Variants in DGKZ observed in about 807,000 individuals in gnomAD.
DGKZ encodes DAG kinase zeta.
A neutral mutation model predicts 142.5 loss-of-function variants in DGKZ; 45 were observed. That is an observed-to-expected ratio of 0.32 (90% CI 0.25 to 0.40). The LOEUF is 0.40. DGKZ is among the 10% of genes least tolerant of loss of function. The probability of loss-of-function intolerance (pLI) is 1.00; values close to 1 mark genes in which losing one functional copy is unlikely to be tolerated. For missense variants in DGKZ, 755 were observed against 1,306.5 expected, an observed-to-expected ratio of 0.58 and a Z score of 6.51; for synonymous variants, 442 against 527.0, an observed-to-expected ratio of 0.84 and a Z score of 2.21.
chr11:46,337,453 G>A (rs575193416), intron 1 of DGKZ, among the ~76,000 whole-genome samples: 7 of 151,744 alleles, frequency 4.6e-5, no homozygotes, highest in African/African-American at 7.3e-5. Flanking sequence ...CCACCACCAC[G>A]CCGGGCTAAT....
chr11:46,338,897 C>T (rs1324056914), intron 1 of DGKZ: 1 of 152,206 alleles, frequency 6.6e-6, no homozygotes, highest in Non-Finnish European at 1.5e-5. Context: ...ACGGGTAAAA[C>T]AAGTTAGAGC....
At chr11:46,369,334 C>T in intron 4 of DGKZ, 160 bp from the exon 5 acceptor site, 1 of 771,130 alleles carries the variant, frequency 1.3e-6, no homozygotes, top group Non-Finnish European at 2.2e-6. Context: ...GGCAGGAGGG[C>T]TTCTCACAGG....
upstream of DGKZ, chr11:46,345,665 G>A (rs1940543204): frequency 7.5e-7 from 1 of 1,342,004 alleles, no homozygotes. The surrounding 1 kb of genome is among the most constrained non-coding windows in gnomAD (Gnocchi z 4.1). Context: ...GGGGGTGACA[G>A]AAGTAGGGTC....
At chr11:46,364,518 A>C in intron 1 of DGKZ, 2 of 1,208,030 alleles carry the variant, frequency 1.7e-6, no homozygotes, top group East Asian at 5.8e-5. Context: ...CACTGCCCTG[A>C]CCTCCCTGTC....
chr11:46,372,362 T>A lies in DGKZ; in HGVS notation c.928-66T>A. 1 of 1,554,058 alleles carries A rather than the reference T, an allele frequency of 6.4e-7. No individual in the cohort carries two copies. Among genetic ancestry groups the A allele is most frequent in the Non-Finnish European group, 8.9e-7 (1 of 1,127,022 alleles). ...CCTGGTTCCCACAGTCACACCCCTC[T>A]CCCTCTGCTGCTCCCACTTCGTCCC... is the stretch of plus-strand genomic sequence containing the variant. On this transcript the variant is annotated intron_variant, in intron 10 of 30. Coordinates refer to ENST00000527911, the Ensembl canonical transcript of DGKZ. This position sits in a 1 kb window ranked among gnomAD's most constrained non-coding sequence, Gnocchi z 5.9.
chr11:46,336,393 T>C (rs970487146), intron 1 of DGKZ, among the ~76,000 whole-genome samples: 3 of 151,994 alleles, frequency 2.0e-5, no homozygotes, highest in Admixed American at 2.0e-4. Flanking sequence ...GGTATGTCCT[T>C]GTTTGGTTTA....
At chr11:46,366,208 C>G (rs940380092) in intron 1 of DGKZ, 1 of 1,518,062 alleles carries the variant, frequency 6.6e-7, no homozygotes, top group Non-Finnish European at 8.7e-7. Flanking sequence ...GTGGCCTGAT[C>G]CAGCTCCTGA....
chr11:46,376,922 A>G, intron 24 of DGKZ, 151 bp from the exon 25 acceptor site: 1 of 696,106 alleles, frequency 1.4e-6, no homozygotes, highest in South Asian at 1.8e-5. Flanking sequence ...AATGGGAAGG[A>G]GTGGGAGAGG....
rs1944480367 is a variant in DGKZ, at chr11:46,375,966, G to A, written c.2011+15G>A. 1 of 1,611,040 alleles carries A rather than the reference G, an allele frequency of 6.2e-7. No individual in the cohort carries two copies. The highest frequency in any genetic ancestry group is 1.1e-5 in the South Asian group (1 of 90,920). ...CAAGGAGGCCTGTGAGTGCGGTGGG[G>A]CGGCCTGGCAGGGTGGCCAGGAGGG... On this transcript the variant is annotated intron_variant, in intron 21 of 30. Transcript: ENST00000527911.
In DGKZ at chr11:46,366,474, G is replaced by A. The variant is rs11827702; in HGVS notation, c.162-817G>A. 8,381 of 1,567,568 alleles carry A rather than the reference G, an allele frequency of 5.3e-3. 380 individuals carry two copies. In the African/African-American group the frequency reaches 0.097, roughly 18 times the overall value. On this transcript the variant is annotated intron_variant, in intron 1 of 30. Transcript: ENST00000527911. Reference sequence around the variant, plus strand: ...GTGAGGGCCCAGGGTTCCAGCCGCCGGCGCTCCAGCACTGTGCCCCCTTCC... The same window carrying A: ...GTGAGGGCCCAGGGTTCCAGCCGCCAGCGCTCCAGCACTGTGCCCCCTTCC...
rs766923753 is a variant in DGKZ, at chr11:46,367,267, C to T, written c.162-24C>T. On this transcript the variant is annotated intron_variant, in intron 1 of 30. Transcript: ENST00000527911. The surrounding 1 kb of genome is among the most constrained non-coding windows in gnomAD (Gnocchi z 4.1). ...AGGGTCAGCAAGTGCTCAGCCCCCT[C>T]CTCAGCTGTCTTCTCCTCTCTAGGA... is the stretch of plus-strand genomic sequence containing the variant. 6.6e-5 allele frequency: 105 copies of T among 1,599,868 alleles called. No individual in the cohort carries two copies. Among genetic ancestry groups the T allele is most frequent in the Non-Finnish European group, 8.8e-5 (103 of 1,170,052 alleles).
In DGKZ at chr11:46,372,327, C is replaced by T. The variant is rs923691923; in HGVS notation, c.928-101C>T. The stretch of plus-strand genomic sequence containing the variant: ...TCCTGTCCTTTCTCCACCCCTCACC[C>T]CTTATTGGCCCTGGTTCCCACAGTC... On this transcript the variant is annotated intron_variant, in intron 10 of 30. Coordinates refer to ENST00000527911, the Ensembl canonical transcript of DGKZ. This position sits in a 1 kb window ranked among gnomAD's most constrained non-coding sequence, Gnocchi z 5.9. 5 of 1,396,034 alleles carry T rather than the reference C, an allele frequency of 3.6e-6. No homozygotes were observed. Among genetic ancestry groups the T allele is most frequent in the Admixed American group, 1.8e-5 (1 of 55,836 alleles). The allele number at this position is 1,396,034 out of a possible 1,614,324, so 86.5% of individuals were successfully genotyped here. A position where few individuals can be genotyped will look rare whatever the true frequency, so the allele number is the denominator to read the frequency against.
intron 5 of DGKZ, 23 bp downstream of exon 5, chr11:46,369,573 G>C (rs374240578): frequency 6.2e-7 from 1 of 1,611,960 alleles, no homozygotes; most frequent in Non-Finnish European, 8.5e-7. Flanking sequence ...GGTGGTCAGG[G>C]ATGGGGCCAC....
intron 1 of DGKZ, among the ~76,000 whole-genome samples, chr11:46,353,404 GGT>G (rs1941645153): frequency 6.6e-6 from 1 of 152,176 alleles, no homozygotes; most frequent in African/African-American, 2.4e-5. Context: ...CGGTGCCAAC[GGT>G]GTGAGACCCA....
intron 20 of DGKZ, 49 bp from the exon 21 acceptor site, chr11:46,375,802 C>T (rs1357234070): frequency 6.5e-7 from 1 of 1,543,202 alleles, no homozygotes; most frequent in African/African-American, 1.4e-5. Context: ...GAGGGTGGCA[C>T]CAAGGCAGGG....
In DGKZ at chr11:46,334,020, G is replaced by A. The variant is rs140027747; in HGVS notation, c.212+533G>A. ...AGGCCCTGGCTGGCAACCTCCAGGG[G>A]CAGAGGGAACCTCCCCACCCCCACC... On this transcript the variant is annotated intron_variant, in intron 1 of 30. Transcript: ENST00000343674. Among the ~76,000 whole-genome samples, 25 of 152,238 alleles carry A rather than the reference G, an allele frequency of 1.6e-4. 1 individual carries two copies. The East Asian group carries it at 4.6e-3, about 28-fold the overall frequency.
At chr11:46,357,785 T>C (rs1942203910) in intron 1 of DGKZ, among the ~76,000 whole-genome samples, 1 of 151,870 alleles carries the variant, frequency 6.6e-6, no homozygotes, top group African/African-American at 2.4e-5. Flanking sequence ...GAGCTGTGAG[T>C]AGGAGGGGTG....
At chr11:46,337,891 T>C (rs1456939759) in intron 1 of DGKZ, among the ~76,000 whole-genome samples, 1 of 152,126 alleles carries the variant, frequency 6.6e-6, no homozygotes, top group Non-Finnish European at 1.5e-5. Context: ...CAGAAGGGCC[T>C]CTAGGAAGAA....
upstream of DGKZ, chr11:46,345,485 C>T: frequency 6.6e-7 from 1 of 1,508,700 alleles, no homozygotes; most frequent in Non-Finnish European, 8.8e-7. This position sits in a 1 kb window ranked among gnomAD's most constrained non-coding sequence, Gnocchi z 4.1. Context: ...AGTGGAGGCG[C>T]TGGGGACGGA....
Sources: gnomAD v4.1 joint callset for allele counts (sites outside exome capture counted in the v4.1 genomes callset) on GRCh38, gnomAD v4.1.1 for gene constraint, Gnocchi (gnomAD v3.1) non-coding constraint, MANE v1.5 for transcripts, NCBI Gene and HGNC (gene_info 2026-07-23, HGNC 2026-07-21) for gene names.